COPS6: variants seen among roughly 807,000 people sequenced by gnomAD.
The protein encoded by COPS6 is COP9 signalosome complex subunit 6.
In COPS6, 9 loss-of-function variants were observed where a neutral mutation model predicts 41.0. That is an observed-to-expected ratio of 0.22 (90% CI 0.13 to 0.38). The LOEUF (loss-of-function observed/expected upper bound fraction) is 0.38, where lower values mean the gene tolerates loss of function less well. COPS6 is among the 10% of genes least tolerant of loss of function. The pLI, the probability that COPS6 is intolerant of heterozygous loss-of-function variation, is 1.00. For missense variants in COPS6, 302 were observed against 436.7 expected (o/e 0.69, Z 2.75); for synonymous variants, 179 against 162.9 (o/e 1.10, Z -0.75).
Position 100,091,148 on chromosome 7 carries a change from C to T in COPS6, c.645C>T (p.Ser215=). Residue 215 remains serine (S), a synonymous_variant, in exon 7 of 10, where the codon TCC becomes TCT. Transcript: ENST00000303904. This position sits in a 1 kb window ranked among gnomAD's most constrained non-coding sequence, Gnocchi z 4.1. ...CAGCAACAGGCAGTGGAGAGAACTC[C>T]ACTGGTAATGGAGGGGATTCCTTGG... The part of the protein sequence containing the change: ...RMTATGSGEN[S]TVAEHLIAQH... 1 of 1,614,166 alleles carries T rather than the reference C, an allele frequency of 6.2e-7. No individual in the cohort carries two copies. The highest frequency in any genetic ancestry group is 8.5e-7 in the Non-Finnish European group (1 of 1,179,958).
In COPS6 at chr7:100,091,598, G is replaced by T; in HGVS notation, c.844-51G>T. The T allele has an allele frequency of 6.2e-7, 1 of 1,613,766 alleles. No individual in the cohort carries two copies. Among genetic ancestry groups the T allele is most frequent in the Non-Finnish European group, 8.5e-7 (1 of 1,179,750 alleles). The stretch of plus-strand genomic sequence containing the variant: ...GCAGGACTGGGGACTGTTGTTCCCC[G>T]GGCATGCCACGAGGGATCCCGAGGA... On this transcript the variant is annotated intron_variant, in intron 9 of 9. Coordinates refer to ENST00000303904, the MANE Select transcript of COPS6 (RefSeq NM_006833.5). This position sits in a 1 kb window ranked among gnomAD's most constrained non-coding sequence, Gnocchi z 4.1.
chr7:100,091,595 C>A lies in COPS6; in HGVS notation c.844-54C>A. ...CGTGCAGGACTGGGGACTGTTGTTC[C>A]CCGGGCATGCCACGAGGGATCCCGA... On this transcript the variant is annotated intron_variant, in intron 9 of 9. Transcript: ENST00000303904. The surrounding 1 kb of genome is among the most constrained non-coding windows in gnomAD (Gnocchi z 4.1). The A allele has an allele frequency of 6.2e-7, 1 of 1,613,794 alleles. No individual in the cohort carries two copies. The highest frequency in any genetic ancestry group is 8.5e-7 in the Non-Finnish European group (1 of 1,179,776).
intron 5 of COPS6, 22 bp downstream of exon 5, chr7:100,090,676 C>T: frequency 6.2e-7 from 1 of 1,606,926 alleles, no homozygotes; most frequent in Non-Finnish European, 8.5e-7. Flanking sequence ...TCCATGCCTA[C>T]TCTGTCATGA....
chr7:100,089,538 G>A (rs981199781), intron 2 of COPS6, 77 bp from the exon 3 acceptor site: 1 of 1,599,460 alleles, frequency 6.3e-7, no homozygotes, highest in African/African-American at 1.4e-5. Flanking sequence ...CCCAATACAT[G>A]GTTCCCACTG....
chr7:100,090,709 G>GT (rs1372482034), intron 5 of COPS6, 55 bp downstream of exon 5: 1 of 1,556,722 alleles, frequency 6.4e-7, no homozygotes, highest in Non-Finnish European at 8.9e-7. Context: ...CTTTTACTGT[G>GT]TGACACTCCT....
At chr7:100,090,987 G>C (rs1795307980) in intron 6 of COPS6, 38 bp downstream of exon 6, 2 of 1,613,790 alleles carry the variant, frequency 1.2e-6, no homozygotes, top group East Asian at 4.5e-5. Flanking sequence ...TCCTGCTCTT[G>C]GCCTCTTTCC....
At chr7:100,090,099 C>G in intron 3 of COPS6, 1 of 454,360 alleles carries the variant, frequency 2.2e-6, no homozygotes, top group South Asian at 2.4e-5. Context: ...CCTCTAATCC[C>G]AGCACTTTGG....
At chr7:100,089,223 A>C (rs1795277215) in intron 1 of COPS6, 67 bp from the exon 2 acceptor site, 6 of 1,556,362 alleles carry the variant, frequency 3.9e-6, no homozygotes, top group Middle Eastern at 1.7e-4. Context: ...GCCGTCCCCC[A>C]CTGCCATCTC....
chr7:100,090,093 T>C (rs1795289271), intron 3 of COPS6: 1 of 453,594 alleles, frequency 2.2e-6, no homozygotes, highest in Non-Finnish European at 4.0e-6. Context: ...CTCATGCCTC[T>C]AATCCCAGCA....
rs1225589204 is a variant in COPS6, at chr7:100,091,704, A to G, written c.899A>G (p.Asn300Ser). Reference protein sequence around the residue: ...AYLGTITKTCNTMNQFVNKFN... With the variant: ...AYLGTITKTCSTMNQFVNKFN... ...CTCGGCACCATCACCAAAACGTGCA[A>G]CACCATGAACCAGTTTGTGAACAAG... The change falls in exon 10 of 10, where the codon AAC becomes AGC. Residue 300 changes from asparagine (N) to serine (S), a missense_variant. Physicochemically the swap from Asn to Ser is conservative, Grantham distance 46. Coordinates refer to ENST00000303904, the MANE Select transcript of COPS6 (RefSeq NM_006833.5). The surrounding 1 kb of genome is among the most constrained non-coding windows in gnomAD (Gnocchi z 4.1). 3 of 1,614,214 alleles carry G rather than the reference A, an allele frequency of 1.9e-6. No homozygotes were observed. Among genetic ancestry groups the G allele is most frequent in the Non-Finnish European group, 2.5e-6 (3 of 1,180,044 alleles).
In COPS6 at chr7:100,091,500, T is replaced by A; in HGVS notation, c.823T>A (p.Phe275Ile). ...HCLPVLSTDK[F>I]KTDFYDQCND... is the part of the protein sequence containing the mutation. ...TCTCCCGGTGCTCAGCACAGACAAG[T>A]TCAAGACAGATTTTTATGATGTGAG... Residue 275 changes from phenylalanine to isoleucine, a missense_variant, in exon 9 of 10, where the codon TTC becomes ATC. Around this residue, in one of 3 missense-constraint regions of COPS6, gnomAD observed 222 missense variants for 309.0 expected, o/e 0.72. Coordinates refer to ENST00000303904, the MANE Select transcript of COPS6 (RefSeq NM_006833.5). This position sits in a 1 kb window ranked among gnomAD's most constrained non-coding sequence, Gnocchi z 4.1. 1 of 1,614,110 alleles carries A rather than the reference T, an allele frequency of 6.2e-7. No homozygotes were observed. Among genetic ancestry groups the A allele is most frequent in the Non-Finnish European group, 8.5e-7 (1 of 1,180,006 alleles).
chr7:100,091,348 C>T lies in COPS6; in HGVS notation c.742+18C>T, dbSNP rs1189939783. 2.5e-6 allele frequency: 4 copies of T among 1,613,680 alleles called. No individual in the cohort carries two copies. The highest frequency in any genetic ancestry group is 3.3e-5 in the Admixed American group (2 of 60,000). On this transcript the variant is annotated intron_variant, in intron 8 of 9. Coordinates refer to ENST00000303904, the MANE Select transcript of COPS6 (RefSeq NM_006833.5). This position sits in a 1 kb window ranked among gnomAD's most constrained non-coding sequence, Gnocchi z 4.1. ...TGAAGCGGGTAGGACAGGGGCTTCCCTGGCATTCTTCCTCTCCCTCCTGGG... is the reference window on the plus strand; with the variant it reads ...TGAAGCGGGTAGGACAGGGGCTTCCTTGGCATTCTTCCTCTCCCTCCTGGG...
rs868128958 is a variant in COPS6 at position 100,092,125 on chromosome 7, A to T, written c.*336A>T. The T allele has an allele frequency of 7.3e-5, 21 of 288,740 alleles. 1 individual carries two copies. In the South Asian group the frequency reaches 1.2e-3, roughly 17 times the overall value. The allele number at this position is 288,740 out of a possible 1,614,324, so 17.9% of individuals were successfully genotyped here. A position where few individuals can be genotyped will look rare whatever the true frequency, so the allele number is the denominator to read the frequency against. ...TAAGTGGTCTCTGTTCTACACTTTAATGTCACCCTCTACATCATCTTACCT... is the reference window on the plus strand; with the variant it reads ...TAAGTGGTCTCTGTTCTACACTTTATTGTCACCCTCTACATCATCTTACCT... On this transcript the variant is annotated 3_prime_UTR_variant, in exon 10 of 10. Transcript: ENST00000303904.
At chr7:100,089,804 G>A (rs1562888370) in intron 3 of COPS6, 58 bp downstream of exon 3, 1 of 1,563,070 alleles carries the variant, frequency 6.4e-7, no homozygotes, top group Non-Finnish European at 8.7e-7. Context: ...AATGTACAGG[G>A]TGGGGAAGAT....
chr7:100,089,220 C>T (rs928255610), intron 1 of COPS6, 70 bp from the exon 2 acceptor site: 4 of 1,551,776 alleles, frequency 2.6e-6, no homozygotes, highest in Non-Finnish European at 1.7e-6. Flanking sequence ...TCCGCCGTCC[C>T]CCACTGCCAT....
At chr7:100,090,083 C>T (rs1795289144) in intron 3 of COPS6, 1 of 446,536 alleles carries the variant, frequency 2.2e-6, no homozygotes, top group Admixed American at 3.8e-5. Context: ...GGCTCAGTGA[C>T]TCATGCCTCT....
Position 100,091,820 on chromosome 7 carries a change from G to A in COPS6, c.*31G>A. The A allele has an allele frequency of 6.2e-7, 1 of 1,613,840 alleles. No homozygotes were observed. ...GTACTTGAAGGGCTGATGGACAGGG[G>A]TCAGGCAACTATCCCAAAGGGGAGG... On this transcript the variant is annotated 3_prime_UTR_variant, in exon 10 of 10. Coordinates refer to ENST00000303904, the MANE Select transcript of COPS6 (RefSeq NM_006833.5). The surrounding 1 kb of genome is among the most constrained non-coding windows in gnomAD (Gnocchi z 4.1).
rs1229998255 is a variant in COPS6 at position 100,089,923 on chromosome 7, AG to A, written c.334+178del. The A allele has an allele frequency of 6.5e-6, 4 of 614,404 alleles. No individual in the cohort carries two copies. In the East Asian group the frequency reaches 1.2e-4, roughly 18 times the overall value. 38.1% of individuals were successfully genotyped at this position (614,404 alleles called of 1,614,324 possible). ...AAAACGTTCAGAGTTCTTTCTCAAA[AG>A]AAAGCAAAGGATGAGAGGAGACAGG... On this transcript the variant is annotated intron_variant, in intron 3 of 9. Coordinates refer to ENST00000303904, the MANE Select transcript of COPS6 (RefSeq NM_006833.5).
chr7:100,090,241 G>T (rs1040929978), intron 3 of COPS6, 158 bp from the exon 4 acceptor site: 2 of 616,358 alleles, frequency 3.2e-6, no homozygotes, highest in Non-Finnish European at 5.7e-6. Context: ...CCAGCTACGC[G>T]GGATGCTGAG....
Sources: gnomAD v4.1 joint callset for allele counts on GRCh38, gnomAD v4.1.1 for gene constraint, gnomAD v4.1.1 regional missense constraint, Gnocchi (gnomAD v3.1) non-coding constraint, MANE v1.5 for transcripts, NCBI Gene and HGNC (gene_info 2026-07-23, HGNC 2026-07-21) for gene names.